Variants in ENPP1 observed in about 807,000 individuals in gnomAD.
ENPP1 encodes ectonucleotide pyrophosphatase/phosphodiesterase 1.
ENPP1 carries 73 observed loss-of-function variants against 122.8 expected under a neutral mutation model. The ratio of observed to expected loss-of-function variants is 0.59; its 90% confidence interval spans 0.49 to 0.72. The LOEUF is 0.72. Ranked by LOEUF, ENPP1 falls within the 30% of genes least tolerant of loss-of-function variation. The pLI, the probability that ENPP1 is intolerant of heterozygous loss-of-function variation, is 0.00. For missense variants in ENPP1, 978 were observed against 1,128.1 expected (o/e 0.87, Z 1.91); for synonymous variants, 367 against 391.6 (o/e 0.94, Z 0.74).
At position 131,879,978 on chromosome 6, in the gene ENPP1, G is replaced by A. The variant is rs377426784; in HGVS notation, c.2044G>A (p.Gly682Arg). ...CLLSQHQFMS[G>R]YSQDILMPLW... ...TCTTTCCCAGCACCAGTTTATGAGT[G>A]GATACAGCCAAGACATCTTAATGCC... The change falls in exon 20 of 25, where the codon GGA becomes AGA. Residue 682 changes from glycine (G) to arginine (R), a missense_variant. Coordinates refer to ENST00000647893, the MANE Select transcript of ENPP1 (RefSeq NM_006208.3). 3 of 1,613,916 alleles carry A rather than the reference G, an allele frequency of 1.9e-6. No individual in the cohort carries two copies. Among genetic ancestry groups the A allele is most frequent in the Non-Finnish European group, 2.5e-6 (3 of 1,179,920 alleles).
intron 24 of ENPP1, 59 bp downstream of exon 24, chr6:131,886,783 T>C: frequency 1.4e-6 from 2 of 1,439,934 alleles, no homozygotes; most frequent in Non-Finnish European, 1.9e-6. Context: ...TGCATATTTG[T>C]TTATGTCACC....
intron 1 of ENPP1, among the ~76,000 whole-genome samples, chr6:131,837,543 A>C (rs1401637245): frequency 2.1e-5 from 3 of 143,376 alleles, no homozygotes; most frequent in East Asian, 3.9e-4. Flanking sequence ...AAAAAAAAAA[A>C]CCCAACCAGC....
intron 5 of ENPP1, 103 bp from the exon 6 acceptor site, chr6:131,854,823 T>A: frequency 1.2e-6 from 1 of 811,036 alleles, no homozygotes; most frequent in Non-Finnish European, 2.2e-6. Flanking sequence ...CAGACCTTAG[T>A]GGAAAATCTT....
rs548079672 is a variant in ENPP1, at chr6:131,867,384, A to G, written c.1165-634A>G. Among the ~76,000 whole-genome samples, 24 of 152,292 alleles carry G rather than the reference A, an allele frequency of 1.6e-4. No individual in the cohort carries two copies. In the East Asian group the frequency reaches 4.6e-3, roughly 29 times the overall value. On this transcript the variant is annotated intron_variant, in intron 11 of 24. Transcript: ENST00000647893. ...TGCCAGAAAGCAGTTTGCCAATATCATTTGTCATTCTGTGTTCTTGTGATA... is the reference window on the plus strand; with the variant it reads ...TGCCAGAAAGCAGTTTGCCAATATCGTTTGTCATTCTGTGTTCTTGTGATA...
intron 13 of ENPP1, among the ~76,000 whole-genome samples, chr6:131,870,106 A>T (rs1309709430): frequency 6.6e-6 from 1 of 151,394 alleles, no homozygotes; most frequent in African/African-American, 2.4e-5. Flanking sequence ...GATAAAGATT[A>T]TACTAGAAAA....
intron 17 of ENPP1, 30 bp from the exon 18 acceptor site, chr6:131,876,962 A>G: frequency 6.2e-7 from 1 of 1,607,486 alleles, no homozygotes; most frequent in Non-Finnish European, 8.5e-7. Context: ...TGAAACATCT[A>G]AGTAACTCTA....
intron 3 of ENPP1, among the ~76,000 whole-genome samples, chr6:131,850,667 C>G: frequency 6.6e-6 from 1 of 152,136 alleles, no homozygotes; most frequent in East Asian, 1.9e-4. Flanking sequence ...CTCCTGGGCT[C>G]AAGAGATCCT....
chr6:131,872,090 C>T lies in ENPP1; in HGVS notation c.1426C>T (p.Arg476Ter), dbSNP rs1358861335. 34 of 1,588,520 alleles carry T rather than the reference C, an allele frequency of 2.1e-5. No homozygotes were observed. The highest frequency in any genetic ancestry group is 2.7e-5 in the Non-Finnish European group (31 of 1,160,274). Residue 476 changes from arginine to a stop codon, truncating the protein, a stop_gained, in exon 14 of 25, where the codon CGA becomes TGA. Transcript: ENST00000647893. LOFTEE classifies it high-confidence loss of function. ...TCCAGTTAACTATGAAGGCATTGCCCGAAATCTTTCTGTGAGTATCTTTAT... is the reference window on the plus strand; with the variant it reads ...TCCAGTTAACTATGAAGGCATTGCCTGAAATCTTTCTGTGAGTATCTTTAT... ...YYSFNYEGIA[R>*]NLSCREPNQH... is the part of the protein sequence containing the mutation.
intron 1 of ENPP1, among the ~76,000 whole-genome samples, chr6:131,846,922 A>G (rs1781818382): frequency 6.6e-6 from 1 of 152,188 alleles, no homozygotes; most frequent in African/African-American, 2.4e-5. Flanking sequence ...AATGTCAAAG[A>G]CCAGAAGAGT....
chr6:131,876,014 A>T, intron 17 of ENPP1, 151 bp downstream of exon 17: 1 of 698,556 alleles, frequency 1.4e-6, no homozygotes, highest in Non-Finnish European at 2.6e-6. Flanking sequence ...TCACTGAAGA[A>T]ATGTGGGGAA....
At chr6:131,823,817 T>C (rs887770394) in intron 1 of ENPP1, among the ~76,000 whole-genome samples, 2 of 151,892 alleles carry the variant, frequency 1.3e-5, no homozygotes, top group African/African-American at 4.8e-5. Context: ...CAATAATTGC[T>C]TTTGGGTCTT....
At chr6:131,845,707 C>T (rs1209714745) in intron 1 of ENPP1, among the ~76,000 whole-genome samples, 1 of 152,024 alleles carries the variant, frequency 6.6e-6, no homozygotes, top group Non-Finnish European at 1.5e-5. Context: ...GATCCCCCCA[C>T]CTCAGCCTCT....
In ENPP1 at chr6:131,830,670, A is replaced by T. The variant is rs77395496; in HGVS notation, c.241-17106A>T. 8.7e-3 allele frequency among the ~76,000 whole-genome samples: 1,321 copies of T among 152,344 alleles called. 19 individuals are homozygous for T. The highest frequency in any genetic ancestry group is 0.029 in the African/African-American group (1,186 of 41,568). Reference sequence around the variant, plus strand: ...TTGATCTACCTAAATTAAAATATGTATATTTTAAAAGATTTATTGATAAGA... The same window carrying T: ...TTGATCTACCTAAATTAAAATATGTTTATTTTAAAAGATTTATTGATAAGA... On this transcript the variant is annotated intron_variant, in intron 1 of 24. Coordinates refer to ENST00000647893, the MANE Select transcript of ENPP1 (RefSeq NM_006208.3).
rs193231581 is a variant in ENPP1, at chr6:131,816,511, G to A, written c.240+8236G>A. On this transcript the variant is annotated intron_variant, in intron 1 of 24. Transcript: ENST00000647893. Reference sequence around the variant, plus strand: ...CCCAGCTCGAAAATCCCTTGTCATCGGATAAAAACTAAGTTATGCATTTAC... The same window carrying A: ...CCCAGCTCGAAAATCCCTTGTCATCAGATAAAAACTAAGTTATGCATTTAC... Among the ~76,000 whole-genome samples the A allele has an allele frequency of 7.9e-5, 12 of 152,180 alleles. No homozygotes were observed. In the East Asian group the frequency reaches 1.9e-3, roughly 24 times the overall value.
chr6:131,824,131 C>A (rs1323904879), intron 1 of ENPP1, among the ~76,000 whole-genome samples: 1 of 151,786 alleles, frequency 6.6e-6, no homozygotes, highest in African/African-American at 2.4e-5. Flanking sequence ...TCTGAAGGGA[C>A]CAGATATTTA....
At chr6:131,885,987 G>A (rs1248640384) in intron 23 of ENPP1, among the ~76,000 whole-genome samples, 1 of 152,116 alleles carries the variant, frequency 6.6e-6, no homozygotes, top group Non-Finnish European at 1.5e-5. Context: ...TTTGAAAGAT[G>A]TTGAAAAAAC....
chr6:131,882,474 C>G lies in ENPP1; in HGVS notation c.2230C>G (p.Gln744Glu). The change falls in exon 21 of 25, where the codon CAA becomes GAA. Residue 744 changes from glutamine (Q) to glutamate (E), a missense_variant and splice_region_variant. Coordinates refer to ENST00000647893, the MANE Select transcript of ENPP1 (RefSeq NM_006208.3). ...KVSYGFLSPP[Q>E]LNKNSSGIYS... ...GAGTTACGGGTTCCTCTCCCCACCA[C>G]GTAAGTTTTTTCCTCTCCTGACCTT... is the stretch of plus-strand genomic sequence containing the variant. The G allele has an allele frequency of 1.9e-6, 3 of 1,603,388 alleles. No individual in the cohort carries two copies. The highest frequency in any genetic ancestry group is 2.6e-6 in the Non-Finnish European group (3 of 1,173,536).
At chr6:131,871,573 T>C (rs1020768711) in intron 13 of ENPP1, among the ~76,000 whole-genome samples, 6 of 152,202 alleles carry the variant, frequency 3.9e-5, no homozygotes, top group Admixed American at 6.5e-5. Flanking sequence ...TCCTGGATAA[T>C]TGAGATATTT....
At position 131,862,274 on chromosome 6, in the gene ENPP1, G is replaced by A. The variant is rs547078667; in HGVS notation, c.1025+570G>A. 5.9e-5 allele frequency among the ~76,000 whole-genome samples: 9 copies of A among 152,076 alleles called. No homozygotes were observed. In the South Asian group the frequency reaches 6.2e-4, roughly 11 times the overall value. ...GATAACGTGTTTAGTTCAGATCTTC[G>A]GGCAGACATGAAAAATGAGGTCATG... is the stretch of plus-strand genomic sequence containing the variant. On this transcript the variant is annotated intron_variant, in intron 9 of 24. Transcript: ENST00000647893.
Sources: allele counts gnomAD v4.1 joint callset (sites outside exome capture counted in the v4.1 genomes callset), GRCh38; gene constraint gnomAD v4.1.1; transcripts MANE v1.5; gene names NCBI Gene and HGNC (gene_info 2026-07-23, HGNC 2026-07-21).